SDCBP: variants seen among roughly 807,000 people sequenced by gnomAD.
SDCBP encodes the protein syntenin-1.
Under a neutral mutation model 30.5 loss-of-function variants are expected in SDCBP, and 22 were observed. That is an observed-to-expected ratio of 0.72 (90% CI 0.52 to 1.03). SDCBP has a LOEUF of 1.03. Among genes scored for constraint, SDCBP ranks in the 50% least tolerant of loss-of-function variants. The pLI, the probability that SDCBP is intolerant of heterozygous loss-of-function variation, is 0.00. For synonymous variants in SDCBP, 103 were observed against 118.7 expected (o/e 0.87, Z 0.86); for missense variants, 304 against 369.9 (o/e 0.82, Z 1.46).
intron 1 of SDCBP, among the ~76,000 whole-genome samples, chr8:58,557,599 C>T (rs1804219221): frequency 6.6e-6 from 1 of 151,474 alleles, no homozygotes; most frequent in Non-Finnish European, 1.5e-5. Flanking sequence ...TTGTGAGTTA[C>T]TTCTGAGGCC....
chr8:58,576,179 A>G, intron 5 of SDCBP, 118 bp downstream of exon 5: 1 of 778,124 alleles, frequency 1.3e-6, no homozygotes, highest in Non-Finnish European at 2.0e-6. Flanking sequence ...GTAGTTGAGA[A>G]TATTTTAAAT....
chr8:58,578,311 C>A, intron 6 of SDCBP, 103 bp downstream of exon 6: 1 of 842,264 alleles, frequency 1.2e-6, no homozygotes, highest in African/African-American at 1.8e-5. Flanking sequence ...AGAAAATGAT[C>A]AAATGTTATT....
chr8:58,561,738 A>T, intron 1 of SDCBP: 1 of 682,078 alleles, frequency 1.5e-6, no homozygotes, highest in Non-Finnish European at 2.6e-6. Context: ...ACATGAAAGT[A>T]TAAAATTAAA....
intron 2 of SDCBP, among the ~76,000 whole-genome samples, chr8:58,569,848 A>T (rs1199867584): frequency 6.6e-6 from 1 of 152,190 alleles, no homozygotes; most frequent in Non-Finnish European, 1.5e-5. Context: ...TTAACAAATT[A>T]TGAAATAATA....
intron 1 of SDCBP, among the ~76,000 whole-genome samples, chr8:58,563,312 T>G (rs752025685): frequency 1.3e-5 from 2 of 152,152 alleles, no homozygotes; most frequent in Non-Finnish European, 2.9e-5. Flanking sequence ...ATATGCTATG[T>G]GAAAGAAGCC....
intron 1 of SDCBP, among the ~76,000 whole-genome samples, chr8:58,556,454 T>C (rs1387276482): frequency 6.6e-6 from 1 of 152,208 alleles, no homozygotes; most frequent in African/African-American, 2.4e-5. Flanking sequence ...TGGGAACTCC[T>C]GTTTTAATAG....
chr8:58,558,624 TAAAC>T (rs1804279825), intron 1 of SDCBP, among the ~76,000 whole-genome samples: 2 of 147,386 alleles, frequency 1.4e-5, no homozygotes, highest in Admixed American at 6.7e-5. Flanking sequence ...GCTGTGTAAA[TAAAC>T]TAAATTGAGT....
intron 4 of SDCBP, 132 bp downstream of exon 4, chr8:58,572,446 C>A: frequency 1.7e-6 from 1 of 595,098 alleles, no homozygotes. Flanking sequence ...TTTTAGACTT[C>A]CTTTTGGATA....
rs543651282 is a variant in SDCBP at position 58,577,387 on chromosome 8, T to C, written c.403-646T>C. 4.3e-4 allele frequency among the ~76,000 whole-genome samples: 65 copies of C among 152,384 alleles called. 1 individual carries two copies. Among genetic ancestry groups the C allele is most frequent in the Admixed American group, 1.2e-3 (19 of 15,308 alleles). On this transcript the variant is annotated intron_variant, in intron 5 of 8. Coordinates refer to ENST00000260130, the MANE Select transcript of SDCBP (RefSeq NM_005625.4). The stretch of plus-strand genomic sequence containing the variant: ...ATAAGTAAAAATATCCATGTGAGTG[T>C]AGTTATTGGTTAACAGTATTTGAGT...
rs965080476 is a variant in SDCBP, at chr8:58,578,767, T to C, written c.578+559T>C. On this transcript the variant is annotated intron_variant, in intron 6 of 8. Transcript: ENST00000260130. ...CAATTAAGGGTAGACGTATATTGCA[T>C]TGTTACAGTAAGCTTTGAGTTTTTG... Among the ~76,000 whole-genome samples, 6 of 152,256 alleles carry C rather than the reference T, an allele frequency of 3.9e-5. No individual in the cohort carries two copies. In the East Asian group the frequency reaches 9.6e-4, roughly 24 times the overall value.
At chr8:58,566,463 A>G (rs926215898) in intron 2 of SDCBP, among the ~76,000 whole-genome samples, 2 of 152,226 alleles carry the variant, frequency 1.3e-5, no homozygotes, top group Non-Finnish European at 2.9e-5. Context: ...AATGAAAAAT[A>G]AAGAGGGCTA....
At chr8:58,575,836 T>G in intron 4 of SDCBP, 64 bp from the exon 5 acceptor site, 1 of 1,385,494 alleles carries the variant, frequency 7.2e-7, no homozygotes, top group South Asian at 1.3e-5. Flanking sequence ...TTCCAGTTAA[T>G]TATCATTGTT....
Position 58,557,210 on chromosome 8 carries a change from ATTAT to A in SDCBP, c.-16+3912_-16+3915del, listed in dbSNP as rs1426455921. Among the ~76,000 whole-genome samples the A allele has an allele frequency of 6.3e-5, 8 of 127,342 alleles. No homozygotes were observed. In the South Asian group the frequency reaches 6.7e-4, roughly 11 times the overall value. The allele number at this position is 127,342 out of a possible 152,430, so 83.5% of individuals were successfully genotyped here. The stretch of plus-strand genomic sequence containing the variant: ...TAGTATTATTATATATTAATATTAT[ATTAT>A]TTATATATTCCAGGAAAATGATATT... On this transcript the variant is annotated intron_variant, in intron 1 of 8. Coordinates refer to ENST00000260130, the MANE Select transcript of SDCBP (RefSeq NM_005625.4).
chr8:58,582,434 A>G lies in SDCBP; in HGVS notation c.*694A>G, dbSNP rs144694795. On this transcript the variant is annotated 3_prime_UTR_variant, in exon 9 of 9. Transcript: ENST00000260130. Reference sequence around the variant, plus strand: ...TCTCTATTAACCTGAAATGTACACTAGCCCAGAACAGTTTAATGGTACTTA... The same window carrying G: ...TCTCTATTAACCTGAAATGTACACTGGCCCAGAACAGTTTAATGGTACTTA... 4.3e-3 allele frequency: 661 copies of G among 152,804 alleles called. 7 individuals are homozygous for G. Among genetic ancestry groups the G allele is most frequent in the Non-Finnish European group, 4.4e-3 (301 of 68,068 alleles). The allele number at this position is 152,804 out of a possible 1,614,324, so 9.5% of individuals were successfully genotyped here.
At chr8:58,577,213 C>T (rs1231478077) in intron 5 of SDCBP, among the ~76,000 whole-genome samples, 2 of 152,226 alleles carry the variant, frequency 1.3e-5, no homozygotes, top group Non-Finnish European at 2.9e-5. Flanking sequence ...CTAGTTCTTG[C>T]TTATCATTCT....
intron 1 of SDCBP, among the ~76,000 whole-genome samples, chr8:58,555,330 G>T (rs1804039589): frequency 1.3e-5 from 2 of 152,272 alleles, no homozygotes; most frequent in Admixed American, 6.5e-5. Context: ...TATGGTAATT[G>T]TACTAGTTTA....
intron 3 of SDCBP, 72 bp downstream of exon 3, chr8:58,571,037 C>A (rs1804987573): frequency 5.1e-6 from 6 of 1,179,038 alleles, no homozygotes; most frequent in South Asian, 1.5e-5. Flanking sequence ...TATAAGGAAT[C>A]CAAGATTTTT....
At chr8:58,575,785 T>C (rs112704092) in intron 4 of SDCBP, 115 bp from the exon 5 acceptor site, 2 of 813,046 alleles carry the variant, frequency 2.5e-6, no homozygotes. Context: ...CGGAAGGAAA[T>C]TATTTGTGGA....
At chr8:58,577,774 G>T (rs896545981) in intron 5 of SDCBP, among the ~76,000 whole-genome samples, 31 of 152,220 alleles carry the variant, frequency 2.0e-4, no homozygotes, top group African/African-American at 5.1e-4. Flanking sequence ...GGTCAGGTGG[G>T]TCATGATTTG....
Sources: allele counts gnomAD v4.1 joint callset (sites outside exome capture counted in the v4.1 genomes callset), GRCh38; gene constraint gnomAD v4.1.1; transcripts MANE v1.5; gene names NCBI Gene and HGNC (gene_info 2026-07-23, HGNC 2026-07-21).